The following TBCD variants were observed in gnomAD, a reference collection of about 807,000 sequenced individuals.
TBCD encodes tubulin-specific chaperone D.
A neutral mutation model predicts 169.3 loss-of-function variants in TBCD; 105 were observed. The observed-to-expected ratio is 0.62, with a 90% CI of 0.53 to 0.73. TBCD has a LOEUF of 0.73. TBCD is among the 30% of genes least tolerant of loss of function. The pLI, the probability that TBCD is intolerant of heterozygous loss-of-function variation, is 0.00. For missense variants in TBCD, 1,444 were observed against 1,600.1 expected, an observed-to-expected ratio of 0.90 and a Z score of 1.66; for synonymous variants, 700 against 643.9, an observed-to-expected ratio of 1.09 and a Z score of -1.32.
At chr17:82,820,465 G>A (rs990539975) in intron 13 of TBCD, among the ~76,000 whole-genome samples, 41 of 152,182 alleles carry the variant, frequency 2.7e-4, no homozygotes, top group African/African-American at 9.7e-4. Context: ...ATAATAACTA[G>A]CACTTGGTGT....
intron 13 of TBCD, among the ~76,000 whole-genome samples, chr17:82,827,315 G>A (rs1334359552): frequency 6.6e-6 from 1 of 152,218 alleles, no homozygotes; most frequent in African/African-American, 2.4e-5. Context: ...AGTTCCCATC[G>A]TAGTGTCCAC....
intron 13 of TBCD, among the ~76,000 whole-genome samples, chr17:82,845,061 G>A (rs74002583): frequency 0.011 from 1,664 of 152,242 alleles, 21 homozygotes; most frequent in African/African-American, 0.035. Context: ...GGTAAGCACC[G>A]GTGCCAGTGT....
chr17:82,752,501 C>A, intron 1 of TBCD, 124 bp downstream of exon 1: 1 of 788,360 alleles, frequency 1.3e-6, no homozygotes, highest in Non-Finnish European at 1.6e-6. Context: ...TGCCGGTGCG[C>A]GGTCCCGCGG....
intron 23 of TBCD, among the ~76,000 whole-genome samples, chr17:82,919,011 C>G (rs748958403): frequency 1.3e-5 from 2 of 152,170 alleles, no homozygotes; most frequent in Non-Finnish European, 2.9e-5. Flanking sequence ...TAAAAACTAC[C>G]ATCATAAAAA....
intron 4 of TBCD, among the ~76,000 whole-genome samples, chr17:82,767,109 C>T (rs901012177): frequency 1.3e-5 from 2 of 152,244 alleles, no homozygotes; most frequent in East Asian, 1.9e-4. Context: ...CTGCTGGTGT[C>T]CAGGTCCCTG....
chr17:82,896,346 G>C (rs1275865319), intron 17 of TBCD, among the ~76,000 whole-genome samples: 1 of 152,140 alleles, frequency 6.6e-6, no homozygotes, highest in Non-Finnish European at 1.5e-5. Context: ...GTCTTGTCTG[G>C]GTTGTCACAG....
At chr17:82,921,935 G>C (rs2061442094) in intron 25 of TBCD, among the ~76,000 whole-genome samples, 1 of 152,214 alleles carries the variant, frequency 6.6e-6, no homozygotes, top group African/African-American at 2.4e-5. Context: ...CTCCTGTGCA[G>C]ATGAGAAAAC....
intron 5 of TBCD, among the ~76,000 whole-genome samples, chr17:82,769,429 G>A (rs2048190498): frequency 6.6e-6 from 1 of 152,222 alleles, no homozygotes; most frequent in Non-Finnish European, 1.5e-5. Flanking sequence ...AGCACTAGGA[G>A]GCTGTCAGGC....
At chr17:82,942,382 G>A (rs2063393099) in intron 38 of TBCD, 67 bp from the exon 39 acceptor site, 1 of 1,608,892 alleles carries the variant, frequency 6.2e-7, no homozygotes, top group African/African-American at 1.3e-5. Flanking sequence ...GAGGGGTGAG[G>A]GTCCCCTGGC....
chr17:82,916,578 T>C (rs79273680), intron 23 of TBCD, among the ~76,000 whole-genome samples: 4,108 of 152,262 alleles, frequency 0.027, 190 homozygotes, highest in African/African-American at 0.093. Context: ...AACTTTAGTT[T>C]GCATTTATTC....
At chr17:82,934,582 C>A (rs965989604) in intron 34 of TBCD, among the ~76,000 whole-genome samples, 4 of 152,022 alleles carry the variant, frequency 2.6e-5, no homozygotes, top group Non-Finnish European at 5.9e-5. Context: ...AAGTGATTCT[C>A]CTGCCTCAGC....
rs988390870 is a variant in TBCD at position 82,806,242 on chromosome 17, C to A, written c.1087+231C>A. ...GTAGAAGCCCTTTTTCCCACCGCCTCGCCTCCTTCCTGACCTGGGCTGCCT... is the reference window on the plus strand; with the variant it reads ...GTAGAAGCCCTTTTTCCCACCGCCTAGCCTCCTTCCTGACCTGGGCTGCCT... On this transcript the variant is annotated intron_variant, in intron 10 of 38. Coordinates refer to ENST00000355528, the MANE Select transcript of TBCD (RefSeq NM_005993.5). This position sits in a 1 kb window ranked among gnomAD's most constrained non-coding sequence, Gnocchi z 5.1. Among the ~76,000 whole-genome samples the A allele has an allele frequency of 6.6e-6, 1 of 152,110 alleles. No individual in the cohort carries two copies. The highest frequency in any genetic ancestry group is 1.9e-4 in the East Asian group (1 of 5,182).
intron 22 of TBCD, 73 bp downstream of exon 22, chr17:82,909,380 C>T (rs1156881099): frequency 6.7e-5 from 87 of 1,291,150 alleles, no homozygotes; most frequent in Middle Eastern, 2.1e-4. Flanking sequence ...GCAGGCGGGG[C>T]GGGTGTGTTC....
chr17:82,917,907 G>T (rs1262190089), intron 23 of TBCD, among the ~76,000 whole-genome samples: 1 of 152,230 alleles, frequency 6.6e-6, no homozygotes, highest in Non-Finnish European at 1.5e-5. Context: ...TCCCTCTCAG[G>T]TCTTCGTGAG....
At chr17:82,912,131 G>A (rs570313463) in intron 23 of TBCD, among the ~76,000 whole-genome samples, 3 of 152,336 alleles carry the variant, frequency 2.0e-5, no homozygotes, top group East Asian at 3.9e-4. Flanking sequence ...AGATCCCTCC[G>A]AGCACGGCCC....
At position 82,890,795 on chromosome 17, in the gene TBCD, C is replaced by A. The variant is rs545807970; in HGVS notation, c.1563+1098C>A. Among the ~76,000 whole-genome samples the A allele has an allele frequency of 1.2e-3, 182 of 152,304 alleles. No homozygotes were observed. The highest frequency in any genetic ancestry group is 4.0e-3 in the African/African-American group (166 of 41,554). ...GGAGCCAGTTCACTAGGAAGAGACACCAGCCTTGCAAGGGGAGCCTGGGTG... is the reference window on the plus strand; with the variant it reads ...GGAGCCAGTTCACTAGGAAGAGACAACAGCCTTGCAAGGGGAGCCTGGGTG... On this transcript the variant is annotated intron_variant, in intron 16 of 38. Coordinates refer to ENST00000355528, the MANE Select transcript of TBCD (RefSeq NM_005993.5). The surrounding 1 kb of genome is among the most constrained non-coding windows in gnomAD (Gnocchi z 5.3).
rs374992703 is a variant in TBCD at position 82,893,532 on chromosome 17, C to A, written c.1564-15C>A. 1.3e-6 allele frequency: 2 copies of A among 1,587,670 alleles called. No homozygotes were observed. Among genetic ancestry groups the A allele is most frequent in the Non-Finnish European group, 1.7e-6 (2 of 1,165,266 alleles). On this transcript the variant is annotated splice_polypyrimidine_tract_variant and intron_variant, in intron 16 of 38. Coordinates refer to ENST00000355528, the MANE Select transcript of TBCD (RefSeq NM_005993.5). ...TCAAATTCTTCTTTTTCCCCCATTT[C>A]CACTTTCTTATTAGGGCACTTTCCC...
chr17:82,868,005 C>T lies in TBCD; in HGVS notation c.1319-2219C>T, dbSNP rs545001805. 9.2e-5 allele frequency among the ~76,000 whole-genome samples: 14 copies of T among 152,226 alleles called. No homozygotes were observed. The South Asian group carries it at 2.3e-3, about 25-fold the overall frequency. ...GCCGAGAGAGGGAACGCAGAGCTGC[C>T]GTGTGTGGCCGTGCAGGGCCTTCCA... On this transcript the variant is annotated intron_variant, in intron 13 of 38. Transcript: ENST00000355528.
At chr17:82,849,958 C>T (rs1567886615) in intron 13 of TBCD, among the ~76,000 whole-genome samples, 157 of 144,164 alleles carry the variant, frequency 1.1e-3, no homozygotes, top group African/African-American at 3.9e-3. Context: ...GTTGCCTGTG[C>T]TGCTGTTGGC....
Sources: allele counts gnomAD v4.1 joint callset (sites outside exome capture counted in the v4.1 genomes callset), GRCh38; gene constraint gnomAD v4.1.1; non-coding constraint Gnocchi (gnomAD v3.1); transcripts MANE v1.5; gene names NCBI Gene and HGNC (gene_info 2026-07-23, HGNC 2026-07-21).